The following DYNC1I1 variants were observed in gnomAD, a reference collection of about 807,000 sequenced individuals.
DYNC1I1 encodes the protein cytoplasmic dynein 1 intermediate chain 1.
DYNC1I1 carries 43 observed loss-of-function variants against 86.6 expected under a neutral mutation model. The observed-to-expected ratio is 0.50, with a 90% CI of 0.39 to 0.64. The LOEUF (loss-of-function observed/expected upper bound fraction) is 0.64, where lower values mean the gene tolerates loss of function less well. Among genes scored for constraint, DYNC1I1 ranks in the 30% least tolerant of loss-of-function variants. The pLI, the probability that DYNC1I1 is intolerant of heterozygous loss-of-function variation, is 0.00. For synonymous variants in DYNC1I1, 262 were observed against 283.7 expected, an observed-to-expected ratio of 0.92 and a Z score of 0.77; for missense variants, 604 against 788.8, an observed-to-expected ratio of 0.77 and a Z score of 2.81.
chr7:95,936,223 A>C (rs776700977), intron 6 of DYNC1I1, among the ~76,000 whole-genome samples: 1 of 152,084 alleles, frequency 6.6e-6, no homozygotes, highest in Non-Finnish European at 1.5e-5. Flanking sequence ...TAAAGAACTC[A>C]TAAGAGTTCA....
chr7:96,050,568 T>C (rs555016414), intron 14 of DYNC1I1, among the ~76,000 whole-genome samples: 11 of 152,172 alleles, frequency 7.2e-5, no homozygotes, highest in Admixed American at 1.3e-4. Context: ...AAACATGATA[T>C]TACATATTTT....
At chr7:95,838,821 G>A (rs541208462) in intron 5 of DYNC1I1, among the ~76,000 whole-genome samples, 5 of 152,048 alleles carry the variant, frequency 3.3e-5, no homozygotes, top group African/African-American at 9.6e-5. Context: ...TTCTTTTTCA[G>A]ATAGTTCATT....
At chr7:96,109,609 CTT>C (rs1791279070) in intron 16 of DYNC1I1, among the ~76,000 whole-genome samples, 1 of 152,060 alleles carries the variant, frequency 6.6e-6, no homozygotes, top group Non-Finnish European at 1.5e-5. Flanking sequence ...GTTCAGAATA[CTT>C]CCAAATATTT....
At chr7:95,816,829 A>T (rs1481317656) in intron 4 of DYNC1I1, among the ~76,000 whole-genome samples, 1 of 152,216 alleles carries the variant, frequency 6.6e-6, no homozygotes, top group African/African-American at 2.4e-5. Flanking sequence ...TGCAATATGT[A>T]CTTAAATTAT....
At position 96,107,342 on chromosome 7, in the gene DYNC1I1, A is replaced by G. The variant is rs556088384; in HGVS notation, c.1543-2637A>G. On this transcript the variant is annotated intron_variant, in intron 16 of 16. Transcript: ENST00000537881. ...ACCGTGCCCAGCCAATTTTTCATTC[A>G]TACGTTTTGAAGGTCTGTTACTAGA... Among the ~76,000 whole-genome samples the G allele has an allele frequency of 1.3e-4, 19 of 151,364 alleles. No homozygotes were observed. In the East Asian group the frequency reaches 3.7e-3, roughly 30 times the overall value.
At chr7:96,026,081 A>G (rs1448017163) in intron 10 of DYNC1I1, among the ~76,000 whole-genome samples, 1 of 152,150 alleles carries the variant, frequency 6.6e-6, no homozygotes, top group Non-Finnish European at 1.5e-5. Context: ...TTTCTGTGGG[A>G]TGTGTAAAAC....
chr7:95,988,565 C>T (rs918380545), intron 9 of DYNC1I1, among the ~76,000 whole-genome samples: 1 of 152,154 alleles, frequency 6.6e-6, no homozygotes, highest in Non-Finnish European at 1.5e-5. Flanking sequence ...GGCACACAGC[C>T]TAGTGTGGTG....
chr7:96,037,897 A>G (rs780253539), intron 13 of DYNC1I1, among the ~76,000 whole-genome samples: 18 of 152,156 alleles, frequency 1.2e-4, no homozygotes, highest in Non-Finnish European at 1.5e-4. Context: ...TGGGTCATAT[A>G]GGTCTATGGG....
chr7:95,799,326 C>G (rs1285977222), intron 1 of DYNC1I1, among the ~76,000 whole-genome samples: 1 of 152,148 alleles, frequency 6.6e-6, no homozygotes, highest in Admixed American at 6.5e-5. Flanking sequence ...TTGCAGTGAG[C>G]CGAGATCGGG....
intron 5 of DYNC1I1, among the ~76,000 whole-genome samples, chr7:95,836,817 A>G (rs1050457264): frequency 2.0e-5 from 3 of 152,062 alleles, no homozygotes; most frequent in African/African-American, 7.2e-5. Context: ...TTTCAGCTCC[A>G]TCAGCTCCTT....
chr7:95,828,307 G>C (rs1051995826), intron 5 of DYNC1I1, among the ~76,000 whole-genome samples, 191 bp downstream of exon 5: 2 of 152,052 alleles, frequency 1.3e-5, no homozygotes, highest in African/African-American at 4.8e-5. Context: ...ACCACAAAAA[G>C]ATGGCTTTTG....
At chr7:96,045,053 T>C (rs1393573013) in intron 14 of DYNC1I1, among the ~76,000 whole-genome samples, 3 of 151,992 alleles carry the variant, frequency 2.0e-5, no homozygotes, top group Non-Finnish European at 4.4e-5. Flanking sequence ...TTGGGAGATA[T>C]GGACAAGAAA....
intron 1 of DYNC1I1, among the ~76,000 whole-genome samples, chr7:95,783,174 C>T (rs1001347509): frequency 6.6e-6 from 1 of 152,210 alleles, no homozygotes; most frequent in Non-Finnish European, 1.5e-5. Flanking sequence ...CTGTCCATAT[C>T]ACTAACACCT....
Position 96,092,116 on chromosome 7 carries a change from T to C in DYNC1I1, c.1777-5367T>C, listed in dbSNP as rs1584315909. Among the ~76,000 whole-genome samples, 3 of 152,224 alleles carry C rather than the reference T, an allele frequency of 2.0e-5. No homozygotes were observed. In the South Asian group the frequency reaches 6.2e-4, roughly 32 times the overall value. ...TGAAAGTTAGCTATTATTAAAAGCCTGACTACTTAGGAAATTATTTGTGTG... is the reference window on the plus strand; with the variant it reads ...TGAAAGTTAGCTATTATTAAAAGCCCGACTACTTAGGAAATTATTTGTGTG... On this transcript the variant is annotated intron_variant, in intron 16 of 16. Transcript: ENST00000447467.
chr7:95,881,906 G>A (rs1790464429), intron 6 of DYNC1I1, among the ~76,000 whole-genome samples: 1 of 152,180 alleles, frequency 6.6e-6, no homozygotes, highest in Admixed American at 6.5e-5. Context: ...AAATGTGTAT[G>A]AGTTTATAAT....
chr7:96,014,633 G>A (rs1014283494), intron 10 of DYNC1I1, among the ~76,000 whole-genome samples: 7 of 152,138 alleles, frequency 4.6e-5, no homozygotes, highest in Non-Finnish European at 8.8e-5. Flanking sequence ...AACTTTCTGT[G>A]TGGGGAACTA....
intron 6 of DYNC1I1, among the ~76,000 whole-genome samples, chr7:95,919,189 A>G (rs1046585629): frequency 6.6e-6 from 1 of 152,192 alleles, no homozygotes; most frequent in Admixed American, 6.5e-5. Flanking sequence ...CTACTGAAAT[A>G]TCTGAATAAT....
At chr7:95,825,106 CAT>C (rs1795175956) in intron 4 of DYNC1I1, among the ~76,000 whole-genome samples, 2 of 152,318 alleles carry the variant, frequency 1.3e-5, no homozygotes, top group South Asian at 4.1e-4. Context: ...TACTGAATAA[CAT>C]AGGTGTGCCA....
intron 5 of DYNC1I1, among the ~76,000 whole-genome samples, chr7:95,847,037 T>G (rs1356695805): frequency 6.6e-6 from 1 of 152,212 alleles, no homozygotes; most frequent in African/African-American, 2.4e-5. Context: ...CCACCAAGTA[T>G]GCATTTTGTT....
Sources: gnomAD v4.1 joint callset for allele counts (sites outside exome capture counted in the v4.1 genomes callset) on GRCh38, gnomAD v4.1.1 for gene constraint, MANE v1.5 for transcripts, NCBI Gene and HGNC (gene_info 2026-07-23, HGNC 2026-07-21) for gene names.